The following CAMTA1 variants were observed in gnomAD, a reference collection of about 807,000 sequenced individuals.
CAMTA1 encodes calmodulin-binding transcription activator 1.
CAMTA1 carries 27 observed loss-of-function variants against 170.9 expected under a neutral mutation model. The ratio of observed to expected loss-of-function variants is 0.16; its 90% CI spans 0.12 to 0.22. The LOEUF is 0.22. Ranked by LOEUF, CAMTA1 falls within the 10% of genes least tolerant of loss-of-function variation. The pLI, the probability that CAMTA1 is intolerant of heterozygous loss-of-function variation, is 1.00. For missense variants in CAMTA1, 1,619 were observed against 2,217.2 expected (o/e 0.73, Z 5.42); for synonymous variants, 833 against 891.5 (o/e 0.93, Z 1.17).
intron 5 of CAMTA1, among the ~76,000 whole-genome samples, chr1:7,275,569 A>G (rs922507669): frequency 1.2e-4 from 18 of 152,098 alleles, no homozygotes; most frequent in African/African-American, 4.3e-4. Flanking sequence ...AGTAAAAAGG[A>G]TGCATCACTA....
chr1:7,689,683 C>G (rs2096289745), intron 11 of CAMTA1, among the ~76,000 whole-genome samples: 1 of 152,234 alleles, frequency 6.6e-6, no homozygotes, highest in African/African-American at 2.4e-5. Flanking sequence ...TCTCCTCATT[C>G]TTCTGGAAGG....
chr1:7,711,398 C>T (rs911708712), intron 11 of CAMTA1, among the ~76,000 whole-genome samples: 5 of 152,078 alleles, frequency 3.3e-5, no homozygotes, highest in African/African-American at 1.2e-4. Flanking sequence ...GTAAGGTGCC[C>T]TGATCAGGGA....
At chr1:7,079,287 C>T (rs935217589) in intron 3 of CAMTA1, among the ~76,000 whole-genome samples, 1 of 152,102 alleles carries the variant, frequency 6.6e-6, no homozygotes, top group African/African-American at 2.4e-5. Flanking sequence ...AAATAACTGC[C>T]AGAGTAAAGC....
At chr1:6,952,910 A>T (rs1015165418) in intron 3 of CAMTA1, among the ~76,000 whole-genome samples, 1 of 152,208 alleles carries the variant, frequency 6.6e-6, no homozygotes, top group Non-Finnish European at 1.5e-5. Context: ...AAGAATTAAG[A>T]GGAAAACAGG....
At chr1:7,509,570 G>A (rs569752247) in intron 6 of CAMTA1, among the ~76,000 whole-genome samples, 44 of 152,280 alleles carry the variant, frequency 2.9e-4, no homozygotes, top group African/African-American at 1.1e-3. Flanking sequence ...TTATAAATTA[G>A]GGCTGTATTC....
intron 5 of CAMTA1, among the ~76,000 whole-genome samples, chr1:7,429,628 AATGATG>A (rs1334026349): frequency 1.3e-5 from 2 of 151,920 alleles, no homozygotes; most frequent in South Asian, 2.1e-4. Context: ...TGATGGTGAT[AATGATG>A]ATGATGGTGA....
chr1:7,741,425 T>C (rs1031650671), intron 16 of CAMTA1, among the ~76,000 whole-genome samples: 2 of 151,896 alleles, frequency 1.3e-5, no homozygotes, highest in East Asian at 3.9e-4. Flanking sequence ...TAGCCAGGCA[T>C]GGTGGCGGGC....
At chr1:7,156,669 A>G (rs1229714153) in intron 4 of CAMTA1, among the ~76,000 whole-genome samples, 2 of 152,220 alleles carry the variant, frequency 1.3e-5, no homozygotes, top group African/African-American at 2.4e-5. Context: ...TACCAAGACC[A>G]AGACGATTTC....
intron 4 of CAMTA1, among the ~76,000 whole-genome samples, chr1:7,211,263 A>G (rs1427195026): frequency 2.0e-5 from 3 of 152,230 alleles, no homozygotes; most frequent in Non-Finnish European, 4.4e-5. Context: ...ACTTACTTAC[A>G]GTGCAAGGTA....
chr1:6,970,818 C>T lies in CAMTA1; in HGVS notation c.235-120486C>T, dbSNP rs551854785. Among the ~76,000 whole-genome samples the T allele has an allele frequency of 2.0e-5, 3 of 152,314 alleles. No homozygotes were observed. The highest frequency in any genetic ancestry group is 1.5e-5 in the Non-Finnish European group (1 of 68,028). On this transcript the variant is annotated intron_variant, in intron 3 of 22. Coordinates refer to ENST00000303635, the MANE Select transcript of CAMTA1 (RefSeq NM_015215.4). This position sits in a 1 kb window ranked among gnomAD's most constrained non-coding sequence, Gnocchi z 4.4. ...CAGATGGAGAACAGAACAGACCCAA[C>T]AACCTCAGGAGAATGAACAGCCAGG...
Position 7,766,698 on chromosome 1 carries a change from A to G in CAMTA1, c.*207A>G, listed in dbSNP as rs1168741974. ...TTTTGGTCATTGCATTTGCACTTTC[A>G]TGGACAACTTTTAATTTGATCAGCA... On this transcript the variant is annotated 3_prime_UTR_variant, in exon 23 of 23. Coordinates refer to ENST00000303635, the MANE Select transcript of CAMTA1 (RefSeq NM_015215.4). The G allele has an allele frequency of 1.9e-6, 1 of 515,982 alleles. No homozygotes were observed. The highest frequency in any genetic ancestry group is 1.9e-5 in the African/African-American group (1 of 52,096). 32.0% of individuals were successfully genotyped at this position (515,982 alleles called of 1,614,324 possible).
chr1:7,683,781 G>A (rs1364262548), intron 11 of CAMTA1, among the ~76,000 whole-genome samples: 1 of 152,234 alleles, frequency 6.6e-6, no homozygotes, highest in Non-Finnish European at 1.5e-5. Flanking sequence ...CTCGCTGTCT[G>A]TGGGGCCTCC....
intron 3 of CAMTA1, among the ~76,000 whole-genome samples, chr1:6,840,347 G>T (rs1178626299): frequency 6.6e-6 from 1 of 152,200 alleles, no homozygotes; most frequent in Admixed American, 6.5e-5. Context: ...AGAGAGACCA[G>T]TTAAGAGTCT....
intron 3 of CAMTA1, among the ~76,000 whole-genome samples, chr1:7,052,949 C>T (rs1439078753): frequency 6.6e-6 from 1 of 152,230 alleles, no homozygotes; most frequent in African/African-American, 2.4e-5. Flanking sequence ...CTTTCCATCG[C>T]CCAGAGCAGA....
At chr1:7,272,601 G>C (rs1354255945) in intron 5 of CAMTA1, among the ~76,000 whole-genome samples, 1 of 142,184 alleles carries the variant, frequency 7.0e-6, no homozygotes, top group Non-Finnish European at 1.5e-5. Context: ...AGCATTTATG[G>C]TCAATTGATT....
chr1:7,086,317 C>A (rs1640736062), intron 3 of CAMTA1, among the ~76,000 whole-genome samples: 2 of 152,104 alleles, frequency 1.3e-5, no homozygotes, highest in African/African-American at 4.8e-5. Flanking sequence ...CGGGCACGCA[C>A]ACACGTGGTC....
intron 3 of CAMTA1, among the ~76,000 whole-genome samples, chr1:7,027,849 T>C (rs1376778708): frequency 6.6e-6 from 1 of 152,170 alleles, no homozygotes; most frequent in Non-Finnish European, 1.5e-5. Context: ...CCTTCAGTAG[T>C]AATGCTTAGA....
intron 6 of CAMTA1, among the ~76,000 whole-genome samples, chr1:7,593,994 A>G (rs2095374074): frequency 6.8e-6 from 1 of 147,192 alleles, no homozygotes; most frequent in South Asian, 2.2e-4. Context: ...GTGAGCCAAG[A>G]TCGTACCACT....
chr1:7,080,888 T>G (rs1639912131), intron 3 of CAMTA1, among the ~76,000 whole-genome samples: 1 of 152,230 alleles, frequency 6.6e-6, no homozygotes, highest in Non-Finnish European at 1.5e-5. Flanking sequence ...AAGAGAATTC[T>G]AAGTGTTTCC....
Sources: allele counts gnomAD v4.1 joint callset (sites outside exome capture counted in the v4.1 genomes callset), GRCh38; gene constraint gnomAD v4.1.1; non-coding constraint Gnocchi (gnomAD v3.1); transcripts MANE v1.5; gene names NCBI Gene and HGNC (gene_info 2026-07-23, HGNC 2026-07-21).